The following SSH2 variants were observed in gnomAD, a reference collection of about 807,000 sequenced individuals.
SSH2 encodes the protein slingshot protein phosphatase 2.
A neutral mutation model predicts 135.2 loss-of-function variants in SSH2; 37 were observed. That is an observed-to-expected ratio of 0.27 (90% CI 0.21 to 0.36). The LOEUF (loss-of-function observed/expected upper bound fraction) is 0.36. SSH2 is among the 10% of genes least tolerant of loss of function. The pLI, the probability that SSH2 is intolerant of heterozygous loss-of-function variation, is 1.00. For missense variants in SSH2, 1,408 were observed against 1,765.3 expected, an observed-to-expected ratio of 0.80 and a Z score of 3.63; for synonymous variants, 628 against 646.2, an observed-to-expected ratio of 0.97 and a Z score of 0.43.
chr17:29,896,967 T>C (rs1443962584), intron 1 of SSH2, among the ~76,000 whole-genome samples: 1 of 151,802 alleles, frequency 6.6e-6, no homozygotes, highest in East Asian at 1.9e-4. Context: ...TCTAATGTGA[T>C]AGGGTGACAA....
At position 29,908,763 on chromosome 17, in the gene SSH2, GAAAAAAAAAAAAAA is replaced by G. The variant is rs60242323; in HGVS notation, c.63+21161_63+21174del. Among the ~76,000 whole-genome samples the G allele has an allele frequency of 8.7e-3, 443 of 50,908 alleles. 5 individuals carry two copies. Among genetic ancestry groups the G allele is most frequent in the African/African-American group, 0.042 (398 of 9,560 alleles). The allele number at this position is 50,908 out of a possible 152,430, so 33.4% of individuals were successfully genotyped here. On this transcript the variant is annotated intron_variant, in intron 1 of 15. Coordinates refer to ENST00000540801, the MANE Select transcript of SSH2 (RefSeq NM_001282129.2). The stretch of plus-strand genomic sequence containing the variant: ...TGGGCAACAGAGCAAGACTCCATCT[GAAAAAAAAAAAAAA>G]AAAAAAAAAAAAAAAAATTGGCCGG...
chr17:29,813,136 A>G (rs1163429594), intron 2 of SSH2, among the ~76,000 whole-genome samples: 1 of 152,106 alleles, frequency 6.6e-6, no homozygotes, highest in African/African-American at 2.4e-5. Flanking sequence ...TAATCCCAGC[A>G]TTTTGGGAGG....
chr17:29,803,359 C>A (rs2042284671), intron 2 of SSH2, among the ~76,000 whole-genome samples: 1 of 152,180 alleles, frequency 6.6e-6, no homozygotes, highest in South Asian at 2.1e-4. Context: ...TGTCTAATGT[C>A]ATAGCCTAGA....
At chr17:29,724,320 G>C (rs1015443945) in intron 3 of SSH2, among the ~76,000 whole-genome samples, 3 of 151,980 alleles carry the variant, frequency 2.0e-5, no homozygotes, top group African/African-American at 4.8e-5. Context: ...CCTGAGGTCG[G>C]GAGTTCAAGA....
intron 4 of SSH2, among the ~76,000 whole-genome samples, chr17:29,697,307 C>G (rs1345047901): frequency 6.6e-6 from 1 of 152,120 alleles, no homozygotes; most frequent in Non-Finnish European, 1.5e-5. Flanking sequence ...CCATGAATGC[C>G]AGTATAACTT....
At chr17:29,703,234 ACT>A (rs1240910340) in intron 3 of SSH2, among the ~76,000 whole-genome samples, 172 bp from the exon 4 acceptor site, 14 of 152,104 alleles carry the variant, frequency 9.2e-5, no homozygotes, top group African/African-American at 2.7e-4. Context: ...GCTCCTGTCT[ACT>A]CTAGACAAGT....
intron 1 of SSH2, among the ~76,000 whole-genome samples, chr17:29,896,650 T>G (rs2066450829): frequency 6.6e-6 from 1 of 151,656 alleles, no homozygotes; most frequent in Admixed American, 6.6e-5. Context: ...TGCTGGTCTT[T>G]TTCATTTCAT....
intron 1 of SSH2, among the ~76,000 whole-genome samples, chr17:29,914,672 C>T (rs2066850580): frequency 6.6e-6 from 1 of 151,956 alleles, no homozygotes; most frequent in South Asian, 2.1e-4. Flanking sequence ...TTCAACTGTG[C>T]CCAATGAGCA....
chr17:29,821,648 ATT>A (rs778592320), intron 2 of SSH2, among the ~76,000 whole-genome samples: 8 of 137,406 alleles, frequency 5.8e-5, no homozygotes, highest in Non-Finnish European at 6.4e-5. Context: ...AACCAAGTCT[ATT>A]TTTTTTTTTT....
At chr17:29,845,316 C>T (rs540383622) in intron 2 of SSH2, among the ~76,000 whole-genome samples, 3 of 152,162 alleles carry the variant, frequency 2.0e-5, no homozygotes, top group Non-Finnish European at 4.4e-5. Flanking sequence ...CACCCCACCC[C>T]CAAGGTTAAG....
At chr17:29,761,476 G>A in intron 3 of SSH2, 3 of 988,238 alleles carry the variant, frequency 3.0e-6, no homozygotes, top group Non-Finnish European at 3.6e-6. Flanking sequence ...GTCCGGGGCG[G>A]GACGGGCGGG....
chr17:29,784,943 C>G (rs1432395030), intron 3 of SSH2, among the ~76,000 whole-genome samples: 1 of 152,082 alleles, frequency 6.6e-6, no homozygotes, highest in Non-Finnish European at 1.5e-5. Context: ...ATTTTCATTG[C>G]TATCTTTGAA....
At chr17:29,655,444 A>G in intron 12 of SSH2, 117 bp downstream of exon 12, 1 of 954,568 alleles carries the variant, frequency 1.0e-6, no homozygotes, top group Non-Finnish European at 1.7e-6. Flanking sequence ...GATTAGAATC[A>G]GTCAGATGCA....
chr17:29,648,406 T>A, intron 13 of SSH2, 62 bp from the exon 14 acceptor site: 1 of 1,422,168 alleles, frequency 7.0e-7, no homozygotes, highest in Non-Finnish European at 9.4e-7. Flanking sequence ...ATTTTAAAAG[T>A]TGGTTTCTAG....
chr17:29,874,249 C>T (rs2065988752), intron 1 of SSH2, among the ~76,000 whole-genome samples: 1 of 148,166 alleles, frequency 6.7e-6, no homozygotes, highest in Admixed American at 6.8e-5. Context: ...GCCAATTGTG[C>T]CACTGCACTC....
chr17:29,839,543 G>A (rs1229415284), intron 2 of SSH2, among the ~76,000 whole-genome samples: 2 of 152,132 alleles, frequency 1.3e-5, no homozygotes, highest in African/African-American at 2.4e-5. Flanking sequence ...CCCCAAATCT[G>A]TAATCTTATA....
At chr17:29,882,446 C>T (rs918780558) in intron 1 of SSH2, among the ~76,000 whole-genome samples, 2 of 152,138 alleles carry the variant, frequency 1.3e-5, no homozygotes, top group Non-Finnish European at 2.9e-5. Flanking sequence ...CTTTACAATA[C>T]ATGCTTTTAA....
intron 9 of SSH2, among the ~76,000 whole-genome samples, chr17:29,667,597 A>C (rs2037332654): frequency 6.6e-6 from 1 of 152,208 alleles, no homozygotes; most frequent in Non-Finnish European, 1.5e-5. Flanking sequence ...GAGGTGAAAC[A>C]GTTTCATCAT....
rs1000154784 is a variant in SSH2 at position 29,632,948 on chromosome 17, G to T, written c.2263-17C>A. ...TGAAATTGCCTAAGAAGAGAAAGTA[G>T]TGAGAAGATTATGGCAAACTGTAGT... is the stretch of plus-strand genomic sequence containing the variant. On this transcript the variant is annotated splice_polypyrimidine_tract_variant and intron_variant, in intron 15 of 15. Transcript: ENST00000540801. 6.3e-7 allele frequency: 1 copy of T among 1,575,940 alleles called. No individual in the cohort carries two copies. The highest frequency in any genetic ancestry group is 8.6e-7 in the Non-Finnish European group (1 of 1,161,816).
Sources: allele counts gnomAD v4.1 joint callset (sites outside exome capture counted in the v4.1 genomes callset), GRCh38; gene constraint gnomAD v4.1.1; transcripts MANE v1.5; gene names NCBI Gene and HGNC (gene_info 2026-07-23, HGNC 2026-07-21).